PCDHGA8: variants seen among roughly 807,000 people sequenced by gnomAD.
PCDHGA8 encodes the protein protocadherin gamma-A8.
PCDHGA8 carries 45 observed loss-of-function variants against 59.2 expected under a neutral mutation model. The ratio of observed to expected loss-of-function variants is 0.76; its 90% CI spans 0.60 to 0.98. The LOEUF (loss-of-function observed/expected upper bound fraction) is 0.98, where lower values mean the gene tolerates loss of function less well. Ranked by LOEUF, PCDHGA8 falls within the 50% of genes least tolerant of loss-of-function variation. PCDHGA8 has a pLI of 0.00. For synonymous variants in PCDHGA8, 531 were observed against 519.0 expected (o/e 1.02, Z -0.32); for missense variants, 1,257 against 1,196.2 (o/e 1.05, Z -0.75).
At chr5:141,457,280 A>T (rs964027392) in intron 1 of PCDHGA8, among the ~76,000 whole-genome samples, 1 of 152,196 alleles carries the variant, frequency 6.6e-6, no homozygotes, top group Non-Finnish European at 1.5e-5. Flanking sequence ...TGGGCCTACG[A>T]AGTTCCTTGG....
chr5:141,407,808 C>A (rs1182707356), intron 1 of PCDHGA8, among the ~76,000 whole-genome samples: 1 of 152,136 alleles, frequency 6.6e-6, no homozygotes, highest in Non-Finnish European at 1.5e-5. Flanking sequence ...ATAGAAATAT[C>A]TACTATAATA....
Position 141,490,685 on chromosome 5 carries a change from A to G in PCDHGA8, c.2425-4122A>G, listed in dbSNP as rs2099703028. On this transcript the variant is annotated intron_variant, in intron 1 of 3. Coordinates refer to ENST00000398604, the MANE Select transcript of PCDHGA8 (RefSeq NM_032088.2). The surrounding 1 kb of genome is among the most constrained non-coding windows in gnomAD (Gnocchi z 5.4). ...TGCACTGTGGCTGCCTCAGATCCAGACACTGGGGATAATGCCCGCCTCACC... is the reference window on the plus strand; with the variant it reads ...TGCACTGTGGCTGCCTCAGATCCAGGCACTGGGGATAATGCCCGCCTCACC... The G allele has an allele frequency of 1.9e-6, 3 of 1,614,030 alleles. No individual in the cohort carries two copies. Among genetic ancestry groups the G allele is most frequent in the South Asian group, 2.2e-5 (2 of 91,082 alleles).
chr5:141,434,194 G>A (rs913533813), intron 1 of PCDHGA8, among the ~76,000 whole-genome samples: 7 of 152,190 alleles, frequency 4.6e-5, no homozygotes, highest in African/African-American at 4.8e-5. Flanking sequence ...TAATTCCAAT[G>A]TACTTACTTC....
intron 1 of PCDHGA8, among the ~76,000 whole-genome samples, chr5:141,458,339 T>A (rs1380637284): frequency 2.0e-5 from 3 of 150,846 alleles, no homozygotes; most frequent in Non-Finnish European, 3.0e-5. Context: ...TTTTAAGGAG[T>A]GGAGAGTTTA....
intron 1 of PCDHGA8, among the ~76,000 whole-genome samples, chr5:141,456,955 T>A (rs1352654794): frequency 2.6e-5 from 4 of 151,974 alleles, no homozygotes; most frequent in African/African-American, 7.3e-5. Flanking sequence ...AGAGCAAAAC[T>A]CCATCTCAAA....
intron 1 of PCDHGA8, among the ~76,000 whole-genome samples, chr5:141,466,868 CA>C (rs1343260699): frequency 1.3e-5 from 2 of 152,100 alleles, no homozygotes; most frequent in African/African-American, 2.4e-5. Flanking sequence ...GAAATCCACA[CA>C]TTTTTTTCAT....
At chr5:141,422,566 A>G (rs2096656660) in intron 1 of PCDHGA8, 1 of 1,614,020 alleles carries the variant, frequency 6.2e-7, no homozygotes, top group Non-Finnish European at 8.5e-7. Flanking sequence ...GGCAGATGAC[A>G]ACGATAACCC....
intron 1 of PCDHGA8, among the ~76,000 whole-genome samples, chr5:141,444,152 ATTTTTTTTTTTTTTTTTTTTTT>A (rs747671382): frequency 8.9e-5 from 3 of 33,882 alleles, no homozygotes; most frequent in East Asian, 1.0e-3. Flanking sequence ...TGTGTACTGG[ATTTTTTTTTTTTTTTTTTTTTT>A]TTTTTTTTTT....
intron 1 of PCDHGA8, chr5:141,410,724 C>G: frequency 7.2e-7 from 1 of 1,385,884 alleles, no homozygotes; most frequent in Non-Finnish European, 9.6e-7. Flanking sequence ...TGTTTAAAAT[C>G]CATAGCTTTT....
chr5:141,413,567 A>G (rs950241336), intron 1 of PCDHGA8: 2 of 1,613,936 alleles, frequency 1.2e-6, no homozygotes, highest in Admixed American at 1.7e-5. Context: ...ACTGATATCA[A>G]TGACAATGCT....
chr5:141,487,442 G>A lies in PCDHGA8; in HGVS notation c.2425-7365G>A, dbSNP rs749842864. 1 of 1,613,918 alleles carries A rather than the reference G, an allele frequency of 6.2e-7. No homozygotes were observed. Among genetic ancestry groups the A allele is most frequent in the Non-Finnish European group, 8.5e-7 (1 of 1,179,798 alleles). On this transcript the variant is annotated intron_variant, in intron 1 of 3. Coordinates refer to ENST00000398604, the MANE Select transcript of PCDHGA8 (RefSeq NM_032088.2). The surrounding 1 kb of genome is among the most constrained non-coding windows in gnomAD (Gnocchi z 5.0). ...GATCCTCCGAATCCAGCTAGGGTCA[G>A]ATGACCCTATCAAGTTTGTTGATGT...
At position 141,487,886 on chromosome 5, in the gene PCDHGA8, G is replaced by A. The variant is rs1208779156; in HGVS notation, c.2425-6921G>A. On this transcript the variant is annotated intron_variant, in intron 1 of 3. Transcript: ENST00000398604. This position sits in a 1 kb window ranked among gnomAD's most constrained non-coding sequence, Gnocchi z 5.0. ...GATCAAGAGCCAGGCTGTTGTGGAA[G>A]CATGATGATGGAATGTGGGAGCACA... is the stretch of plus-strand genomic sequence containing the variant. 1.3e-6 allele frequency: 1 copy of A among 751,316 alleles called. No individual in the cohort carries two copies. The highest frequency in any genetic ancestry group is 2.1e-6 in the Non-Finnish European group (1 of 467,526). The allele number at this position is 751,316 out of a possible 1,614,324, so 46.5% of individuals were successfully genotyped here.
In PCDHGA8 at chr5:141,431,414, G is replaced by A. The variant is rs1184197093; in HGVS notation, c.2424+36177G>A. On this transcript the variant is annotated intron_variant, in intron 1 of 3. Coordinates refer to ENST00000398604, the MANE Select transcript of PCDHGA8 (RefSeq NM_032088.2). The surrounding 1 kb of genome is among the most constrained non-coding windows in gnomAD (Gnocchi z 4.8). ...GGTCCTTACGGCCTCCGACGGGGGC[G>A]ACCCGGTGCGCACAGGCACCGCGCG... The A allele has an allele frequency of 6.2e-7, 1 of 1,613,658 alleles. No homozygotes were observed. The highest frequency in any genetic ancestry group is 1.7e-5 in the Admixed American group (1 of 60,026).
chr5:141,400,027 G>A, intron 1 of PCDHGA8: 20 of 1,612,664 alleles, frequency 1.2e-5, no homozygotes, highest in Non-Finnish European at 1.7e-5. Flanking sequence ...CAGGGACGCG[G>A]CCCGCCAGCG....
chr5:141,419,316 G>C (rs775328616), intron 1 of PCDHGA8: 2 of 1,613,876 alleles, frequency 1.2e-6, no homozygotes, highest in African/African-American at 1.3e-5. Flanking sequence ...CTCAACGGCC[G>C]TGTCTCCTAC....
chr5:141,422,940 C>G, intron 1 of PCDHGA8: 3 of 1,614,242 alleles, frequency 1.9e-6, no homozygotes, highest in Non-Finnish European at 1.7e-6. Context: ...TCCCCACAGA[C>G]GGCTCCACTG....
chr5:141,415,522 C>T, intron 1 of PCDHGA8: 1 of 1,614,178 alleles, frequency 6.2e-7, no homozygotes, highest in African/African-American at 1.3e-5. Flanking sequence ...TGCGGACACG[C>T]TCATCAGCCA....
chr5:141,432,870 T>C lies in PCDHGA8; in HGVS notation c.2424+37633T>C, dbSNP rs1022024380. The stretch of plus-strand genomic sequence containing the variant: ...GCGGTGGCCGCGGTCTCCTGCGTCT[T>C]CCTGGCCTTCGTCATCTTGCTGCTG... On this transcript the variant is annotated intron_variant, in intron 1 of 3. Transcript: ENST00000398604. This position sits in a 1 kb window ranked among gnomAD's most constrained non-coding sequence, Gnocchi z 6.0. The C allele has an allele frequency of 1.9e-6, 3 of 1,614,030 alleles. No homozygotes were observed. In the African/African-American group the frequency reaches 4.0e-5, roughly 22 times the overall value.
intron 2 of PCDHGA8, among the ~76,000 whole-genome samples, chr5:141,497,865 A>G (rs1248242691): frequency 2.0e-5 from 3 of 152,168 alleles, no homozygotes; most frequent in Admixed American, 2.0e-4. Flanking sequence ...CAGCGGCTCC[A>G]AAGTGAAATA....
Sources: allele counts gnomAD v4.1 joint callset (sites outside exome capture counted in the v4.1 genomes callset), GRCh38; gene constraint gnomAD v4.1.1; non-coding constraint Gnocchi (gnomAD v3.1); transcripts MANE v1.5; gene names NCBI Gene and HGNC (gene_info 2026-07-23, HGNC 2026-07-21).